The following PDE5A variants were observed in gnomAD, a reference collection of about 807,000 sequenced individuals.
The protein encoded by PDE5A is cGMP-specific 3',5'-cyclic phosphodiesterase.
PDE5A carries 67 observed loss-of-function variants against 110.2 expected under a neutral mutation model. The ratio of observed to expected loss-of-function variants is 0.61; its 90% CI spans 0.50 to 0.75. The LOEUF is 0.75. PDE5A is among the 30% of genes least tolerant of loss of function. PDE5A has a pLI of 0.00. For missense variants in PDE5A, 862 were observed against 1,045.1 expected (o/e 0.82, Z 2.42); for synonymous variants, 328 against 351.2 (o/e 0.93, Z 0.74).
intron 3 of PDE5A, among the ~76,000 whole-genome samples, chr4:119,568,142 C>CT (rs143090270): frequency 0.019 from 2,741 of 147,556 alleles, 74 homozygotes; most frequent in African/African-American, 0.059. Flanking sequence ...CTCTCTCTCT[C>CT]TTTTTTTTTT....
chr4:119,536,388 A>G (rs1726724048), intron 11 of PDE5A, among the ~76,000 whole-genome samples: 1 of 152,140 alleles, frequency 6.6e-6, no homozygotes, highest in Non-Finnish European at 1.5e-5. Context: ...AGGAACTTCA[A>G]TATGTAGACA....
At chr4:119,501,891 TTATC>T (rs1360698157) in intron 19 of PDE5A, among the ~76,000 whole-genome samples, 4 of 152,280 alleles carry the variant, frequency 2.6e-5, no homozygotes, top group South Asian at 4.1e-4. Context: ...GTTTGGCGGT[TTATC>T]TATTCCCTTG....
At chr4:119,556,163 T>C (rs1727530981) in intron 7 of PDE5A, among the ~76,000 whole-genome samples, 1 of 152,216 alleles carries the variant, frequency 6.6e-6, no homozygotes, top group African/African-American at 2.4e-5. Context: ...CCCCTTCTGT[T>C]TGTCTGGACA....
At chr4:119,512,577 C>T (rs988770128) in intron 14 of PDE5A, 2 of 152,072 alleles carry the variant, frequency 1.3e-5, no homozygotes, top group Non-Finnish European at 1.5e-5. Flanking sequence ...GAGAAGCAGA[C>T]ATCTGAGAGC....
At chr4:119,595,403 A>G (rs2110535933) in intron 3 of PDE5A, among the ~76,000 whole-genome samples, 1 of 152,330 alleles carries the variant, frequency 6.6e-6, no homozygotes, top group South Asian at 2.1e-4. Flanking sequence ...CTATACCCAG[A>G]TAACTGGTAA....
intron 5 of PDE5A, among the ~76,000 whole-genome samples, 154 bp from the exon 6 acceptor site, chr4:119,563,124 C>A (rs1727804564): frequency 6.6e-6 from 1 of 152,148 alleles, no homozygotes; most frequent in South Asian, 2.1e-4. Context: ...TTAACAAAAT[C>A]CTTTATTGAC....
chr4:119,536,699 G>A (rs1308534407), intron 11 of PDE5A, among the ~76,000 whole-genome samples: 3 of 152,102 alleles, frequency 2.0e-5, no homozygotes, highest in South Asian at 4.1e-4. Flanking sequence ...TCTTACTCAT[G>A]GATTTAACTG....
chr4:119,526,874 T>C (rs1018026331), intron 11 of PDE5A, among the ~76,000 whole-genome samples: 1 of 152,048 alleles, frequency 6.6e-6, no homozygotes, highest in Non-Finnish European at 1.5e-5. Context: ...GACCAGAAAA[T>C]ATGCATTCTG....
At chr4:119,542,386 G>A in intron 10 of PDE5A, 73 bp downstream of exon 10, 2 of 1,378,080 alleles carry the variant, frequency 1.5e-6, no homozygotes, top group East Asian at 2.3e-5. Context: ...CACACACCAT[G>A]AGTGATTATG....
rs772347394 is a variant in PDE5A at position 119,628,653 on chromosome 4, T to G, written c.19A>C (p.Ser7Arg). The G allele has an allele frequency of 6.2e-7, 1 of 1,613,304 alleles. No individual in the cohort carries two copies. Among genetic ancestry groups the G allele is most frequent in the South Asian group, 1.1e-5 (1 of 91,060 alleles). Residue 7 changes from serine (S) to arginine (R), a missense_variant, in exon 1 of 21, where the codon AGC becomes CGC. Transcript: ENST00000354960. ...TGCTGCTGTCGCTGCTGCCCGAAGC[T>G]GGGGCCGGCCCGCTCCATGGTTGGC... MERAGPSFGQQRQQQQP... is the reference protein window; with the variant it reads MERAGPRFGQQRQQQQP...
chr4:119,526,280 C>T (rs1726314475), intron 11 of PDE5A, among the ~76,000 whole-genome samples: 1 of 152,128 alleles, frequency 6.6e-6, no homozygotes, highest in South Asian at 2.1e-4. Flanking sequence ...GAAGACTATC[C>T]TGTGCCCAGA....
chr4:119,502,399 G>A (rs1421073148), intron 19 of PDE5A, 182 bp downstream of exon 19: 5 of 467,370 alleles, frequency 1.1e-5, no homozygotes, highest in African/African-American at 2.0e-5. Context: ...TCTTTATTAT[G>A]CCTTTTATTG....
At chr4:119,625,129 C>G (rs566439836) in intron 1 of PDE5A, among the ~76,000 whole-genome samples, 41 of 151,544 alleles carry the variant, frequency 2.7e-4, no homozygotes, top group South Asian at 6.2e-4. Flanking sequence ...TCCTTAGTAG[C>G]TGGGATTACA....
intron 5 of PDE5A, among the ~76,000 whole-genome samples, chr4:119,564,488 A>G (rs1355341793): frequency 6.6e-6 from 1 of 152,152 alleles, no homozygotes; most frequent in Non-Finnish European, 1.5e-5. Flanking sequence ...TGATGACACT[A>G]GTGTAGCAGG....
chr4:119,626,830 ATT>A (rs199613119), intron 1 of PDE5A, among the ~76,000 whole-genome samples: 21 of 152,336 alleles, frequency 1.4e-4, no homozygotes, highest in Admixed American at 7.2e-4. Context: ...GGGTTATTAA[ATT>A]GAAAAGATTA....
intron 14 of PDE5A, chr4:119,517,176 C>T (rs1179858145): frequency 1.3e-5 from 2 of 152,260 alleles, no homozygotes; most frequent in African/African-American, 4.8e-5. Flanking sequence ...CTAATTTTGC[C>T]ACCACATGAC....
chr4:119,563,052 G>A, intron 5 of PDE5A, 82 bp from the exon 6 acceptor site: 4 of 1,176,080 alleles, frequency 3.4e-6, no homozygotes, highest in East Asian at 2.6e-5. Flanking sequence ...GTTATAAATT[G>A]TTTATATAAC....
chr4:119,598,401 C>T (rs1012240584), intron 2 of PDE5A, among the ~76,000 whole-genome samples: 1 of 152,152 alleles, frequency 6.6e-6, no homozygotes, highest in Non-Finnish European at 1.5e-5. Flanking sequence ...TCTCCTTTAA[C>T]AATGTACTCA....
intron 1 of PDE5A, among the ~76,000 whole-genome samples, chr4:119,612,723 G>A (rs894586506): frequency 2.6e-5 from 4 of 152,216 alleles, no homozygotes; most frequent in African/African-American, 9.6e-5. Flanking sequence ...TGAGGAAGAA[G>A]CCTCCACCAG....
Sources: allele counts gnomAD v4.1 joint callset (sites outside exome capture counted in the v4.1 genomes callset), GRCh38; gene constraint gnomAD v4.1.1; transcripts MANE v1.5; gene names NCBI Gene and HGNC (gene_info 2026-07-23, HGNC 2026-07-21).